The following AGBL4 variants were observed in gnomAD, a reference collection of about 807,000 sequenced individuals.
The protein encoded by AGBL4 is AGBL carboxypeptidase 4, also known as cytosolic carboxypeptidase 6.
AGBL4 carries 58 observed loss-of-function variants against 66.4 expected under a neutral mutation model. The observed-to-expected ratio is 0.87, with a 90% CI of 0.71 to 1.09. The LOEUF (loss-of-function observed/expected upper bound fraction) is 1.09, where lower values mean the gene tolerates loss of function less well. Among genes scored for constraint, AGBL4 ranks in the 50% least tolerant of loss-of-function variants. The pLI, the probability that AGBL4 is intolerant of heterozygous loss-of-function variation, is 0.00. For synonymous variants in AGBL4, 234 were observed against 222.9 expected (o/e 1.05, Z -0.44); for missense variants, 579 against 631.0 (o/e 0.92, Z 0.88).
chr1:48,989,006 G>A (rs578223695), intron 5 of AGBL4, among the ~76,000 whole-genome samples: 20 of 152,272 alleles, frequency 1.3e-4, no homozygotes, highest in South Asian at 1.0e-3. Context: ...AAAAGGGACC[G>A]TTTAGAGATC....
intron 3 of AGBL4, among the ~76,000 whole-genome samples, chr1:49,399,758 G>A (rs1243250786): frequency 6.6e-6 from 1 of 152,074 alleles, no homozygotes; most frequent in Non-Finnish European, 1.5e-5. Flanking sequence ...TCCCTTGTCA[G>A]ATGGGTAGTT....
At chr1:49,372,606 TTTTTCTTTCTTTCTTTC>T (rs1557878205) in intron 3 of AGBL4, among the ~76,000 whole-genome samples, 15 of 140,136 alleles carry the variant, frequency 1.1e-4, no homozygotes, top group Non-Finnish European at 2.2e-4. Context: ...TTTCTTTTTC[TTTTTCTTTCTTTCTTTC>T]TTTCTTTCTT....
intron 8 of AGBL4, among the ~76,000 whole-genome samples, chr1:48,638,107 G>C (rs993306355): frequency 1.3e-5 from 2 of 152,326 alleles, no homozygotes; most frequent in East Asian, 3.9e-4. Flanking sequence ...CTTGCTCTAG[G>C]ATACCTCTAT....
At chr1:49,203,067 A>C (rs1007026180) in intron 4 of AGBL4, among the ~76,000 whole-genome samples, 2 of 139,346 alleles carry the variant, frequency 1.4e-5, no homozygotes, top group Non-Finnish European at 3.1e-5. Flanking sequence ...ATCACCTTCC[A>C]CCCACTAGGA....
intron 3 of AGBL4, among the ~76,000 whole-genome samples, chr1:49,368,976 G>A (rs958454243): frequency 3.9e-5 from 6 of 152,102 alleles, no homozygotes; most frequent in African/African-American, 1.2e-4. Context: ...TCAGGAGGCC[G>A]AGGCAGGAGA....
At chr1:49,029,067 T>C (rs556732427) in intron 5 of AGBL4, among the ~76,000 whole-genome samples, 2 of 152,134 alleles carry the variant, frequency 1.3e-5, no homozygotes, top group Non-Finnish European at 2.9e-5. Flanking sequence ...TTACTCAACA[T>C]GATAAAGGGC....
intron 3 of AGBL4, among the ~76,000 whole-genome samples, chr1:49,523,219 G>C (rs1650403653): frequency 6.6e-6 from 1 of 151,980 alleles, no homozygotes; most frequent in South Asian, 2.1e-4. Flanking sequence ...GGTTATCTGT[G>C]GGAGATATTA....
chr1:49,515,747 A>T (rs910462663), intron 3 of AGBL4, among the ~76,000 whole-genome samples: 3 of 151,850 alleles, frequency 2.0e-5, no homozygotes, highest in Non-Finnish European at 4.4e-5. Flanking sequence ...AGGGACATGG[A>T]TGAAGCTGGA....
intron 5 of AGBL4, among the ~76,000 whole-genome samples, chr1:49,038,465 A>G (rs1232789818): frequency 6.6e-6 from 1 of 152,118 alleles, no homozygotes; most frequent in Non-Finnish European, 1.5e-5. Flanking sequence ...TAAGGCTTAA[A>G]ATAGGAAAGA....
At chr1:48,617,772 T>C (rs1645343869) in intron 9 of AGBL4, among the ~76,000 whole-genome samples, 1 of 152,208 alleles carries the variant, frequency 6.6e-6, no homozygotes, top group South Asian at 2.1e-4. Flanking sequence ...CTTGGACCCT[T>C]GAGTACCCTC....
intron 2 of AGBL4, among the ~76,000 whole-genome samples, chr1:49,795,464 A>G (rs1386589237): frequency 6.6e-6 from 1 of 151,958 alleles, no homozygotes; most frequent in Admixed American, 6.6e-5. Context: ...AAATTTCTGG[A>G]AAGGGAGGAA....
intron 4 of AGBL4, among the ~76,000 whole-genome samples, chr1:49,056,997 T>C (rs1644319970): frequency 6.6e-6 from 1 of 152,198 alleles, no homozygotes; most frequent in Admixed American, 6.5e-5. Context: ...TATCTACTTG[T>C]CTACTACATT....
chr1:48,843,040 T>G (rs1293574314), intron 6 of AGBL4, among the ~76,000 whole-genome samples: 2 of 152,144 alleles, frequency 1.3e-5, no homozygotes, highest in African/African-American at 2.4e-5. Context: ...GGGGAGCTGT[T>G]GTTTAATGAG....
intron 3 of AGBL4, among the ~76,000 whole-genome samples, chr1:49,658,393 CT>C (rs1646194387): frequency 6.6e-6 from 1 of 152,182 alleles, no homozygotes; most frequent in African/African-American, 2.4e-5. Context: ...AATAGGAACA[CT>C]TTTACACTGT....
intron 3 of AGBL4, among the ~76,000 whole-genome samples, chr1:49,615,617 C>G (rs1645236163): frequency 6.6e-6 from 1 of 151,854 alleles, no homozygotes; most frequent in African/African-American, 2.4e-5. Flanking sequence ...TCATAAAGCA[C>G]CAAAGCAAAT....
chr1:49,744,291 A>C (rs887732488), intron 2 of AGBL4, among the ~76,000 whole-genome samples: 1 of 150,838 alleles, frequency 6.6e-6, no homozygotes, highest in Non-Finnish European at 1.5e-5. Context: ...TATCATCTCC[A>C]CCCTCTCTCT....
chr1:49,559,542 G>T (rs536393296), intron 3 of AGBL4, among the ~76,000 whole-genome samples: 1 of 152,240 alleles, frequency 6.6e-6, no homozygotes, highest in Non-Finnish European at 1.5e-5. Context: ...CTCCATTTTG[G>T]TGGAAACCAT....
intron 1 of AGBL4, among the ~76,000 whole-genome samples, chr1:49,979,146 A>T (rs999271780): frequency 1.3e-5 from 2 of 152,262 alleles, no homozygotes; most frequent in African/African-American, 4.8e-5. Flanking sequence ...CAAATTTGTT[A>T]TAAAAAGTTA....
intron 3 of AGBL4, among the ~76,000 whole-genome samples, chr1:49,455,884 A>T: frequency 6.6e-6 from 1 of 151,678 alleles, no homozygotes; most frequent in East Asian, 1.9e-4. Context: ...TACTCTCTGC[A>T]TACATTCTTT....
Sources: allele counts gnomAD v4.1 joint callset (sites outside exome capture counted in the v4.1 genomes callset), GRCh38; gene constraint gnomAD v4.1.1; transcripts MANE v1.5; gene names NCBI Gene and HGNC (gene_info 2026-07-23, HGNC 2026-07-21).